Variants in ARAP2 observed in about 807,000 individuals in gnomAD.
The protein encoded by ARAP2 is ArfGAP with RhoGAP domain, ankyrin repeat and PH domain 2.
Under a neutral mutation model 194.5 loss-of-function variants are expected in ARAP2, and 148 were observed. The observed-to-expected ratio is 0.76, with a 90% CI of 0.67 to 0.87. The LOEUF (loss-of-function observed/expected upper bound fraction) is 0.87, where lower values mean the gene tolerates loss of function less well. Ranked by LOEUF, ARAP2 falls within the 40% of genes least tolerant of loss-of-function variation. ARAP2 has a pLI of 0.00. For missense variants in ARAP2, 2,128 were observed against 1,989.7 expected (o/e 1.07, Z -1.32); for synonymous variants, 695 against 683.5 (o/e 1.02, Z -0.26).
At chr4:36,157,895 T>C (rs1732944581) in intron 15 of ARAP2, among the ~76,000 whole-genome samples, 1 of 152,204 alleles carries the variant, frequency 6.6e-6, no homozygotes, top group South Asian at 2.1e-4. Context: ...TTTGTCATCC[T>C]ATCATTCTTT....
chr4:36,009,912 G>A (rs1714140022), intron 9 of ARAP2, among the ~76,000 whole-genome samples: 1 of 151,194 alleles, frequency 6.6e-6, no homozygotes, highest in South Asian at 2.1e-4. Context: ...ATCATCAGTG[G>A]AAAATTTCTA....
At chr4:36,186,559 G>T (rs949210470) in intron 8 of ARAP2, among the ~76,000 whole-genome samples, 12 of 152,326 alleles carry the variant, frequency 7.9e-5, no homozygotes, top group Non-Finnish European at 1.8e-4. Context: ...CCATTACATG[G>T]TCTGTTAGGA....
downstream of ARAP2, chr4:36,065,235 G>A (rs954288833): frequency 7.9e-5 from 30 of 380,506 alleles, no homozygotes; most frequent in African/African-American, 2.5e-4. Flanking sequence ...CAGGTGGAGC[G>A]GGAGAAGCAG....
chr4:36,136,813 G>GCGTGTGTCTGCGTA (rs1726861068), intron 19 of ARAP2, among the ~76,000 whole-genome samples: 2 of 130,674 alleles, frequency 1.5e-5, no homozygotes, highest in East Asian at 4.9e-4. Context: ...GTGTGTGTGT[G>GCGTGTGTCTGCGTA]TGTGTGCGTG....
intron 5 of ARAP2, among the ~76,000 whole-genome samples, chr4:36,020,915 CA>C (rs1560276675): frequency 6.6e-6 from 1 of 151,994 alleles, no homozygotes; most frequent in African/African-American, 2.4e-5. Context: ...GAACTTTTTA[CA>C]AGATGGTATA....
intron 9 of ARAP2, among the ~76,000 whole-genome samples, chr4:36,171,863 A>C (rs1736735464): frequency 6.6e-6 from 1 of 152,220 alleles, no homozygotes; most frequent in Non-Finnish European, 1.5e-5. Context: ...ATTTTTAAAA[A>C]ATAGAATGCA....
intron 8 of ARAP2, among the ~76,000 whole-genome samples, chr4:36,180,798 T>C (rs1739060104): frequency 6.6e-6 from 1 of 152,228 alleles, no homozygotes; most frequent in Admixed American, 6.5e-5. Flanking sequence ...AAGAATTATC[T>C]AGCTCCTGAG....
intron 5 of ARAP2, among the ~76,000 whole-genome samples, chr4:36,211,607 TTTAA>T (rs1182448195): frequency 6.6e-6 from 1 of 152,164 alleles, no homozygotes; most frequent in African/African-American, 2.4e-5. Flanking sequence ...ACTAAAGATG[TTTAA>T]TTGTTTAGCT....
Position 36,164,899 on chromosome 4 carries a change from C to T in ARAP2, c.2173+15G>A. The T allele has an allele frequency of 6.2e-7, 1 of 1,612,552 alleles. No homozygotes were observed. Among genetic ancestry groups the T allele is most frequent in the Non-Finnish European group, 8.5e-7 (1 of 1,178,684 alleles). ...TGCCACAAAGCTGTGATGAGCATAA[C>T]TTGTCACTAATTACCTGCACACTTC... On this transcript the variant is annotated intron_variant, in intron 11 of 32. Transcript: ENST00000303965.
At chr4:36,014,295 A>AAGAAAGAAG (rs1553861836) in intron 8 of ARAP2, among the ~76,000 whole-genome samples, 89 of 143,328 alleles carry the variant, frequency 6.2e-4, no homozygotes, top group African/African-American at 2.2e-3. Context: ...GAAAGAAAGA[A>AAGAAAGAAG]AGAAGAGAAG....
chr4:36,059,705 G>T (rs918195552), intron 1 of ARAP2, among the ~76,000 whole-genome samples: 1 of 152,126 alleles, frequency 6.6e-6, no homozygotes, highest in African/African-American at 2.4e-5. Context: ...AGACTGACTT[G>T]TGAGGAAATA....
At chr4:36,188,536 T>C (rs1183498576) in intron 7 of ARAP2, among the ~76,000 whole-genome samples, 1 of 152,004 alleles carries the variant, frequency 6.6e-6, no homozygotes, top group African/African-American at 2.4e-5. Context: ...GGCATTCTAG[T>C]CAAAAAGACT....
At chr4:36,229,715 T>C in intron 1 of ARAP2, 70 bp from the exon 2 acceptor site, 1 of 349,238 alleles carries the variant, frequency 2.9e-6, no homozygotes, top group Non-Finnish European at 5.2e-6. Flanking sequence ...ATACTTTCTC[T>C]GAAAAAAACA....
intron 23 of ARAP2, among the ~76,000 whole-genome samples, chr4:36,120,453 G>C (rs916739737): frequency 2.0e-5 from 3 of 151,494 alleles, no homozygotes; most frequent in African/African-American, 7.3e-5. Flanking sequence ...GACTTCATGT[G>C]GTACAGCCAT....
downstream of ARAP2, among the ~76,000 whole-genome samples, chr4:36,063,324 G>A (rs1724771202): frequency 6.6e-6 from 1 of 151,964 alleles, no homozygotes; most frequent in Non-Finnish European, 1.5e-5. Flanking sequence ...GGGGGGTTGG[G>A]GGAGGGATAG....
chr4:36,152,673 TA>T (rs5857475), intron 15 of ARAP2, among the ~76,000 whole-genome samples: 48 of 148,574 alleles, frequency 3.2e-4, no homozygotes, highest in African/African-American at 7.4e-4. Flanking sequence ...ACTGAAGTGA[TA>T]AAAAAAAAAA....
At chr4:36,084,951 G>T (rs2109358671) in intron 28 of ARAP2, among the ~76,000 whole-genome samples, 1 of 152,014 alleles carries the variant, frequency 6.6e-6, no homozygotes, top group East Asian at 1.9e-4. Flanking sequence ...ATATGATTCA[G>T]AAAAAAATCT....
chr4:36,209,918 A>G (rs370944809), intron 6 of ARAP2, among the ~76,000 whole-genome samples: 31 of 152,302 alleles, frequency 2.0e-4, no homozygotes, highest in Middle Eastern at 3.4e-3. Context: ...TCAAAATAAG[A>G]TATCAATAAT....
In ARAP2 at chr4:36,123,726, A is replaced by G. The variant is rs922864865; in HGVS notation, c.3746+1136T>C. Among the ~76,000 whole-genome samples, 3 of 151,942 alleles carry G rather than the reference A, an allele frequency of 2.0e-5. No homozygotes were observed. In the East Asian group the frequency reaches 5.8e-4, roughly 30 times the overall value. On this transcript the variant is annotated intron_variant, in intron 22 of 32. Transcript: ENST00000303965. ...ATTATCCTAACACATTTGATCTGTT[A>G]CTTCTTATCACTTAAAGGATAAAAT... is the stretch of plus-strand genomic sequence containing the variant.
Sources: gnomAD v4.1 joint callset for allele counts (sites outside exome capture counted in the v4.1 genomes callset) on GRCh38, gnomAD v4.1.1 for gene constraint, MANE v1.5 for transcripts, NCBI Gene and HGNC (gene_info 2026-07-23, HGNC 2026-07-21) for gene names.